The following HMGXB3 variants were observed in gnomAD, a reference collection of about 807,000 sequenced individuals.
HMGXB3 encodes the protein HMG domain-containing protein 3.
HMGXB3 carries 45 observed loss-of-function variants against 121.5 expected under a neutral mutation model. The observed-to-expected ratio is 0.37, with a 90% CI of 0.29 to 0.47. The LOEUF (loss-of-function observed/expected upper bound fraction) is 0.47. Among genes scored for constraint, HMGXB3 ranks in the 20% least tolerant of loss-of-function variants. The probability of loss-of-function intolerance (pLI) is 0.99; values close to 1 mark genes in which losing one functional copy is unlikely to be tolerated. For missense variants in HMGXB3, 1,376 were observed against 1,602.2 expected (o/e 0.86, Z 2.41); for synonymous variants, 590 against 624.1 (o/e 0.95, Z 0.81).
chr5:150,012,259 C>G lies in HMGXB3; in HGVS notation c.815C>G (p.Ser272Cys), dbSNP rs1383377251. 1.4e-5 allele frequency: 21 copies of G among 1,551,134 alleles called. No homozygotes were observed. The highest frequency in any genetic ancestry group is 1.7e-5 in the Non-Finnish European group (20 of 1,146,196). Residue 272 changes from serine to cysteine, a missense_variant, in exon 5 of 20, where the codon TCC (serine) becomes TGC (cysteine). Physicochemically the swap from Ser to Cys is moderately radical, Grantham distance 112 (BLOSUM62 -1). This residue lies in a region of HMGXB3 where 1,116 missense variants were observed against 1,369.0 expected (regional missense o/e 0.82). Transcript: ENST00000502717. Reference sequence around the variant, plus strand: ...CCTTCTCTTCATTGCCCATAGGATTCCAGTGAGAGTAGCTCCTCTGCACCA... The same window carrying G: ...CCTTCTCTTCATTGCCCATAGGATTGCAGTGAGAGTAGCTCCTCTGCACCA... ...SVSVVTVMRD[S>C]SESSSSAPAT...
chr5:150,048,685 G>A lies in HMGXB3; in HGVS notation c.3201G>A (p.Gln1067=). The A allele has an allele frequency of 1.3e-6, 2 of 1,538,024 alleles. No individual in the cohort carries two copies. The highest frequency in any genetic ancestry group is 1.2e-5 in the South Asian group (1 of 83,756). Residue 1067 remains glutamine, a splice_region_variant and synonymous_variant, in exon 18 of 20, where the codon CAG becomes CAA. Transcript: ENST00000502717. Reference sequence around the variant, plus strand: ...AAATCTACAAGGTGTGCCCCCATCAGGTAAGAAAATAACTAGGGGGAGCTT... The same window carrying A: ...AAATCTACAAGGTGTGCCCCCATCAAGTAAGAAAATAACTAGGGGGAGCTT... The part of the protein sequence containing the change: ...GGKIYKVCPH[Q]VVCGSKYLVR...
At chr5:150,026,536 C>A (rs1223700010) in intron 7 of HMGXB3, among the ~76,000 whole-genome samples, 170 bp from the exon 8 acceptor site, 1 of 152,226 alleles carries the variant, frequency 6.6e-6, no homozygotes, top group Non-Finnish European at 1.5e-5. Context: ...AATGAAATTA[C>A]TTGTCCAGGG....
At position 150,040,822 on chromosome 5, in the gene HMGXB3, G is replaced by A. The variant is rs1412437668; in HGVS notation, c.2488G>A (p.Gly830Arg). ...TGCAATCAGAAATCAGATCAAGCTC[G>A]GAGAGGACCCCAGAGTGTCCATCAA... Reference protein sequence around the residue: ...LFAIRNQIKLGEDPRVSINVV... With the variant: ...LFAIRNQIKLREDPRVSINVV... The change falls in exon 14 of 20, where the codon GGA becomes AGA. Residue 830 changes from glycine to arginine, a missense_variant. Physicochemically the swap from Gly to Arg is moderately radical, Grantham distance 125 (BLOSUM62 -2). Transcript: ENST00000502717. The A allele has an allele frequency of 2.6e-6, 4 of 1,551,858 alleles. No homozygotes were observed. Among genetic ancestry groups the A allele is most frequent in the Admixed American group, 2.0e-5 (1 of 50,980 alleles).
At position 150,018,655 on chromosome 5, in the gene HMGXB3, C is replaced by T. The variant is rs117077057; in HGVS notation, c.999C>T (p.Cys333=). The change falls in exon 6 of 20, where the codon TGC becomes TGT. Residue 333 remains cysteine (C), a synonymous_variant. Transcript: ENST00000502717. The stretch of plus-strand genomic sequence containing the variant: ...TCACCAGGCACAAGCCACCTAAGTG[C>T]CCTACCTGTGGTAACTTCCTAGGAG... ...TYVTRHKPPK[C]PTCGNFLGGK... The T allele has an allele frequency of 2.5e-4, 386 of 1,551,030 alleles. 4 individuals are homozygous for T. In the East Asian group the frequency reaches 8.5e-3, roughly 34 times the overall value.
At chr5:150,037,249 G>A (rs1756520997) in intron 12 of HMGXB3, 151 bp from the exon 13 acceptor site, 4 of 757,470 alleles carry the variant, frequency 5.3e-6, no homozygotes, top group Admixed American at 3.1e-5. Flanking sequence ...TTGTAGGGAT[G>A]ATTCCACAGA....
At chr5:150,051,673 T>C in intron 19 of HMGXB3, 52 bp from the exon 20 acceptor site, 1 of 1,377,330 alleles carries the variant, frequency 7.3e-7, no homozygotes, top group Non-Finnish European at 9.8e-7. Context: ...ACCAGATGGG[T>C]TCCACCTTAG....
Position 150,010,303 on chromosome 5 carries a change from C to T in HMGXB3, c.505C>T (p.Pro169Ser), listed in dbSNP as rs749619104. The change falls in exon 4 of 20, where the codon CCG becomes TCG. Residue 169 changes from proline to serine, a missense_variant. Around this residue, in one of 2 missense-constraint regions of HMGXB3, gnomAD observed 1,116 missense variants for 1,369.0 expected, o/e 0.82. Coordinates refer to ENST00000502717, the MANE Select transcript of HMGXB3 (RefSeq NM_014983.3). ...KGPPLVSNTA[P>S]ETVPSHAGMA... ...ACCTCCTCTTGTGTCCAACACTGCCCCGGAGACAGTGCCCAGCCATGCAGG... is the reference window on the plus strand; with the variant it reads ...ACCTCCTCTTGTGTCCAACACTGCCTCGGAGACAGTGCCCAGCCATGCAGG... 3.4e-5 allele frequency: 52 copies of T among 1,551,654 alleles called. 1 individual carries two copies. The highest frequency in any genetic ancestry group is 2.7e-4 in the South Asian group (23 of 84,068).
chr5:150,052,406 C>T lies in HMGXB3; in HGVS notation c.*214C>T, dbSNP rs1335851123. The stretch of plus-strand genomic sequence containing the variant: ...GGGGTCAGGAGTGGTACCAGGAAAC[C>T]TCTTCTGGCCCCGAGAGAGCACTTG... On this transcript the variant is annotated 3_prime_UTR_variant, in exon 20 of 20. Coordinates refer to ENST00000502717, the MANE Select transcript of HMGXB3 (RefSeq NM_014983.3). The T allele has an allele frequency of 5.3e-6, 3 of 561,064 alleles. No homozygotes were observed. The highest frequency in any genetic ancestry group is 2.9e-5 in the East Asian group (1 of 35,056). 34.8% of individuals were successfully genotyped at this position (561,064 alleles called of 1,614,324 possible). A position where few individuals can be genotyped will look rare whatever the true frequency, so the allele number is the denominator to read the frequency against.
Position 150,050,424 on chromosome 5 carries a change from A to C in HMGXB3, c.3374A>C (p.Asn1125Thr). Residue 1125 changes from asparagine to threonine, a missense_variant, in exon 19 of 20, where the codon AAC (asparagine) becomes ACC (threonine). Transcript: ENST00000502717. Reference sequence around the variant, plus strand: ...CTGACTAACCAGATGTGGGGGAGGAACCAGGGCTGTTTCTCTAGCCCCACA... The same window carrying C: ...CTGACTAACCAGATGTGGGGGAGGACCCAGGGCTGTTTCTCTAGCCCCACA... ...PELTNQMWGRNQGCFSSPTEP... is the reference protein window; with the variant it reads ...PELTNQMWGRTQGCFSSPTEP... 6.4e-7 allele frequency: 1 copy of C among 1,551,638 alleles called. No individual in the cohort carries two copies. Among genetic ancestry groups the C allele is most frequent in the Non-Finnish European group, 8.7e-7 (1 of 1,146,928 alleles).
chr5:150,016,360 AAGG>A (rs1196849930), intron 5 of HMGXB3, among the ~76,000 whole-genome samples: 192 of 128,948 alleles, frequency 1.5e-3, no homozygotes, highest in African/African-American at 4.7e-3. Context: ...AAAAAAAAAA[AAGG>A]AGGTGACATT....
intron 16 of HMGXB3, chr5:150,047,406 C>A (rs1756782892): frequency 1.8e-6 from 1 of 545,092 alleles, no homozygotes; most frequent in Non-Finnish European, 3.2e-6. Flanking sequence ...TGGCGGTATG[C>A]AGGATATCTC....
rs1156746032 is a variant in HMGXB3 at position 150,028,505 on chromosome 5, A to ATGTGTG, written c.1734+1420_1734+1425dup. 6.4e-3 allele frequency among the ~76,000 whole-genome samples: 576 copies of ATGTGTG among 90,328 alleles called. 3 individuals carry two copies. The highest frequency in any genetic ancestry group is 0.035 in the African/African-American group (526 of 15,102). The allele number at this position is 90,328 out of a possible 152,430, so 59.3% of individuals were successfully genotyped here. On this transcript the variant is annotated intron_variant, in intron 9 of 19. Transcript: ENST00000502717. Reference sequence around the variant, plus strand: ...TATATATATGTATATATATGTATGTATGTGTGTGTGTGTGTGTGTGTGTGT... The same window carrying ATGTGTG: ...TATATATATGTATATATATGTATGTATGTGTGTGTGTGTGTGTGTGTGTGTGTGTGT...
chr5:150,037,055 C>T, intron 12 of HMGXB3, 118 bp downstream of exon 12: 2 of 904,904 alleles, frequency 2.2e-6, no homozygotes, highest in South Asian at 1.8e-5. Context: ...CGTTTTTAGG[C>T]TTCCTTTAAC....
intron 10 of HMGXB3, 94 bp from the exon 11 acceptor site, chr5:150,032,360 C>G (rs1025847213): frequency 8.2e-7 from 1 of 1,221,248 alleles, no homozygotes; most frequent in African/African-American, 1.5e-5. Context: ...CCACTCTCTT[C>G]TCTGATTTAC....
At position 150,026,762 on chromosome 5, in the gene HMGXB3, G is replaced by A. The variant is rs1003247898; in HGVS notation, c.1517G>A (p.Gly506Asp). The A allele has an allele frequency of 1.3e-4, 204 of 1,551,334 alleles. No individual in the cohort carries two copies. In the East Asian group the frequency reaches 4.9e-3, roughly 37 times the overall value. The part of the protein sequence containing the change: ...RAPELKGRAR[G>D]KPSLLAAARP... ...CCAGAGCTTAAAGGCAGAGCACGGGGCAAGCCCTCATTACTGGCTGCAGCA... is the reference window on the plus strand; with the variant it reads ...CCAGAGCTTAAAGGCAGAGCACGGGACAAGCCCTCATTACTGGCTGCAGCA... The change falls in exon 8 of 20, where the codon GGC becomes GAC. Residue 506 changes from glycine (G) to aspartate (D), a missense_variant. Physicochemically the swap from Gly to Asp is moderately conservative, Grantham distance 94. Transcript: ENST00000502717.
intron 4 of HMGXB3, 66 bp from the exon 5 acceptor site, chr5:150,012,189 T>G: frequency 9.1e-7 from 1 of 1,097,270 alleles, no homozygotes; most frequent in Non-Finnish European, 1.4e-6. Context: ...CTTCCAGTGT[T>G]GAGTGGCCTG....
intron 14 of HMGXB3, 52 bp downstream of exon 14, chr5:150,040,931 A>G: frequency 6.9e-7 from 1 of 1,444,628 alleles, no homozygotes; most frequent in Non-Finnish European, 9.2e-7. Flanking sequence ...CTCCCTCGGA[A>G]TTTTCAGTGA....
Position 150,045,119 on chromosome 5 carries a change from G to GC in HMGXB3, c.2731-347_2731-346insC, listed in dbSNP as rs368038354. Among the ~76,000 whole-genome samples, 461 of 152,288 alleles carry GC rather than the reference G, an allele frequency of 3.0e-3. 1 individual carries two copies. Among genetic ancestry groups the GC allele is most frequent in the African/African-American group, 9.3e-3 (388 of 41,552 alleles). ...ACTCACCTCAGCCATCCCCAGACTT[G>GC]TTTTTTAGTAGTTCATTACAAAGTG... On this transcript the variant is annotated intron_variant, in intron 15 of 19. Coordinates refer to ENST00000502717, the MANE Select transcript of HMGXB3 (RefSeq NM_014983.3).
intron 13 of HMGXB3, 127 bp downstream of exon 13, chr5:150,037,654 C>T (rs2113754940): frequency 1.3e-6 from 1 of 760,440 alleles, no homozygotes; most frequent in African/African-American, 1.8e-5. Flanking sequence ...AAGGGGGAGT[C>T]TTCTTCCTAA....
Sources: gnomAD v4.1 joint callset for allele counts (sites outside exome capture counted in the v4.1 genomes callset) on GRCh38, gnomAD v4.1.1 for gene constraint, gnomAD v4.1.1 regional missense constraint, MANE v1.5 for transcripts, NCBI Gene and HGNC (gene_info 2026-07-23, HGNC 2026-07-21) for gene names.